The following ZFHX3 variants were observed in gnomAD, a reference collection of about 807,000 sequenced individuals.
ZFHX3 encodes zinc finger homeobox protein 3.
A neutral mutation model predicts 279.1 loss-of-function variants in ZFHX3; 42 were observed. The observed-to-expected ratio is 0.15, with a 90% CI of 0.12 to 0.19. ZFHX3 has a LOEUF of 0.19. Among genes scored for constraint, ZFHX3 ranks in the 10% least tolerant of loss-of-function variants. The probability of loss-of-function intolerance (pLI) is 1.00; values close to 1 mark genes in which losing one functional copy is unlikely to be tolerated. For missense variants in ZFHX3, 4,981 were observed against 4,754.0 expected (o/e 1.05, Z -1.40); for synonymous variants, 2,293 against 1,957.8 (o/e 1.17, Z -4.52).
At chr16:73,155,888 T>G (rs1029581358) in intron 5 of ZFHX3, among the ~76,000 whole-genome samples, 1 of 152,036 alleles carries the variant, frequency 6.6e-6, no homozygotes, top group Non-Finnish European at 1.5e-5. Flanking sequence ...TCATTATATA[T>G]AGTACATATG....
Position 73,847,944 on chromosome 16 carries a change from A to G in ZFHX3, c.-1608+43707T>C, listed in dbSNP as rs894588947. ...TTTTTTTTTTTTTTGGATTTTTAGT[A>G]GAGATGGAGTTTCACCATATTGGCC... On this transcript the variant is annotated intron_variant, in intron 1 of 17. Coordinates refer to the ZFHX3 transcript ENST00000641206. Among the ~76,000 whole-genome samples the G allele has an allele frequency of 6.7e-5, 7 of 104,856 alleles. No homozygotes were observed. In the East Asian group the frequency reaches 1.6e-3, roughly 24 times the overall value. The allele number at this position is 104,856 out of a possible 152,430, so 68.8% of individuals were successfully genotyped here.
At chr16:73,088,757 A>G (rs955563794) in intron 8 of ZFHX3, among the ~76,000 whole-genome samples, 2 of 152,210 alleles carry the variant, frequency 1.3e-5, no homozygotes, top group Admixed American at 1.3e-4. Flanking sequence ...CTGAGACACC[A>G]GTGTCAGAAA....
intron 2 of ZFHX3, among the ~76,000 whole-genome samples, chr16:73,630,820 G>C (rs763376076): frequency 3.3e-5 from 5 of 152,162 alleles, no homozygotes; most frequent in African/African-American, 4.8e-5. Flanking sequence ...TGACAATCTT[G>C]CTATTTAAAT....
intron 8 of ZFHX3, among the ~76,000 whole-genome samples, chr16:73,084,751 G>A (rs1965990578): frequency 1.3e-5 from 2 of 151,722 alleles, no homozygotes; most frequent in Admixed American, 1.3e-4. Context: ...CGATCTCCTG[G>A]CCTCGTGATC....
intron 3 of ZFHX3, among the ~76,000 whole-genome samples, chr16:73,379,652 T>C (rs185358135): frequency 3.9e-5 from 6 of 152,312 alleles, no homozygotes; most frequent in Admixed American, 1.3e-4. Flanking sequence ...AAGAGGACCC[T>C]GCTGGTCTTT....
intron 1 of ZFHX3, among the ~76,000 whole-genome samples, chr16:73,782,615 T>C (rs1012545903): frequency 6.6e-6 from 1 of 152,116 alleles, no homozygotes; most frequent in African/African-American, 2.4e-5. Context: ...CCCCTTGTGG[T>C]TAGACGAGGC....
intron 3 of ZFHX3, among the ~76,000 whole-genome samples, chr16:72,907,332 T>G (rs571406073): frequency 1.3e-5 from 2 of 152,264 alleles, no homozygotes; most frequent in East Asian, 3.9e-4. Flanking sequence ...ATTCCCCGTG[T>G]GTCTGTCTAC....
intron 1 of ZFHX3, among the ~76,000 whole-genome samples, chr16:73,056,905 T>C (rs1360930795): frequency 6.6e-6 from 1 of 152,224 alleles, no homozygotes; most frequent in African/African-American, 2.4e-5. Context: ...TTAAAAAACA[T>C]AATAAATCCT....
At chr16:73,036,472 C>T (rs1446828891) in intron 1 of ZFHX3, among the ~76,000 whole-genome samples, 1 of 152,150 alleles carries the variant, frequency 6.6e-6, no homozygotes, top group Non-Finnish European at 1.5e-5. Context: ...GTATTTCTCC[C>T]TGGTCTGTCC....
chr16:73,240,162 A>G (rs941805577), intron 5 of ZFHX3, among the ~76,000 whole-genome samples: 1 of 152,082 alleles, frequency 6.6e-6, no homozygotes, highest in African/African-American at 2.4e-5. Flanking sequence ...GGGACACCAC[A>G]GCCTTCTTGT....
intron 3 of ZFHX3, among the ~76,000 whole-genome samples, chr16:73,379,709 A>C (rs1267029633): frequency 6.6e-6 from 1 of 152,212 alleles, no homozygotes; most frequent in Non-Finnish European, 1.5e-5. Context: ...GAGCAAAAAA[A>C]TAAAGTCAGG....
intron 1 of ZFHX3, among the ~76,000 whole-genome samples, chr16:73,801,412 G>T (rs903773363): frequency 6.6e-6 from 1 of 152,152 alleles, no homozygotes; most frequent in Non-Finnish European, 1.5e-5. Context: ...CATGAAGGCG[G>T]TGTTCAATCC....
chr16:72,787,991 G>T lies in ZFHX3; in HGVS notation c.10285C>A (p.Arg3429Ser), dbSNP rs529936440. 5 of 1,613,630 alleles carry T rather than the reference G, an allele frequency of 3.1e-6. No individual in the cohort carries two copies. The South Asian group carries it at 3.3e-5, about 11-fold the overall frequency. ...TTCGGCAGGAGGGGGGACACCTCAC[G>T]GGGGGTGTTTTTCTGTTCTTCTGGT... ...PKPEEQKNTP[R>S]EVSPLLPKLP... Residue 3429 changes from arginine to serine, a missense_variant, in exon 10 of 10, where the codon CGT becomes AGT. By Grantham distance (110) the Arg-to-Ser change is moderately radical. Coordinates refer to ENST00000268489, the MANE Select transcript of ZFHX3 (RefSeq NM_006885.4).
At chr16:73,504,610 C>G (rs2019291950) in intron 2 of ZFHX3, 1 of 152,286 alleles carries the variant, frequency 6.6e-6, no homozygotes, top group Non-Finnish European at 1.5e-5. Flanking sequence ...CAAAGCAATG[C>G]ACTTAACCCA....
intron 7 of ZFHX3, chr16:72,809,380 A>G (rs538995033): frequency 6.6e-6 from 1 of 152,330 alleles, no homozygotes; most frequent in Admixed American, 6.5e-5. Context: ...GATGGGAAGT[A>G]CAATGAGGCC....
intron 1 of ZFHX3, among the ~76,000 whole-genome samples, chr16:73,053,277 CTT>C (rs1217495935): frequency 6.6e-6 from 1 of 152,112 alleles, no homozygotes; most frequent in African/African-American, 2.4e-5. Flanking sequence ...CCAGAACGGC[CTT>C]TATATCTACG....
chr16:72,787,531 C>T lies in ZFHX3; in HGVS notation c.10745G>A (p.Ser3582Asn). 1 of 1,613,932 alleles carries T rather than the reference C, an allele frequency of 6.2e-7. No individual in the cohort carries two copies. The highest frequency in any genetic ancestry group is 8.5e-7 in the Non-Finnish European group (1 of 1,179,936). Residue 3582 changes from serine (S) to asparagine (N), a missense_variant, in exon 10 of 10, where the codon AGC becomes AAC. Transcript: ENST00000268489. ...LPHSACFPDP[S>N]TASTSQSAAH... ...GGCAGACTGCGAGGTAGATGCGGTG[C>T]TAGGATCGGGGAAGCAGGCAGAGTG...
At chr16:73,082,090 G>A (rs896701946) in intron 8 of ZFHX3, among the ~76,000 whole-genome samples, 1 of 151,818 alleles carries the variant, frequency 6.6e-6, no homozygotes, top group Non-Finnish European at 1.5e-5. Flanking sequence ...ACCCGCCTCA[G>A]TCTCTCAAAG....
chr16:73,513,725 G>A (rs2019472443), intron 2 of ZFHX3, among the ~76,000 whole-genome samples: 1 of 152,152 alleles, frequency 6.6e-6, no homozygotes, highest in Non-Finnish European at 1.5e-5. Flanking sequence ...CTGGAAGGAG[G>A]AAGATTGCAA....
Sources: gnomAD v4.1 joint callset for allele counts (sites outside exome capture counted in the v4.1 genomes callset) on GRCh38, gnomAD v4.1.1 for gene constraint, MANE v1.5 for transcripts, NCBI Gene and HGNC (gene_info 2026-07-23, HGNC 2026-07-21) for gene names.